The following RABGAP1L variants were observed in gnomAD, a reference collection of about 807,000 sequenced individuals.
RABGAP1L encodes RAB GTPase activating protein 1 like.
In RABGAP1L, 63 loss-of-function variants were observed where a neutral mutation model predicts 137.7. The observed-to-expected ratio is 0.46, with a 90% CI of 0.37 to 0.56. The LOEUF is 0.56. Among genes scored for constraint, RABGAP1L ranks in the 20% least tolerant of loss-of-function variants. RABGAP1L has a pLI of 0.00. For synonymous variants in RABGAP1L, 431 were observed against 433.7 expected, an observed-to-expected ratio of 0.99 and a Z score of 0.08; for missense variants, 1,095 against 1,244.0, an observed-to-expected ratio of 0.88 and a Z score of 1.80.
intron 10 of RABGAP1L, among the ~76,000 whole-genome samples, chr1:174,297,512 G>GT (rs1247870639): frequency 1.3e-5 from 2 of 152,206 alleles, no homozygotes; most frequent in Non-Finnish European, 2.9e-5. Flanking sequence ...TACGGTTGGA[G>GT]TTTTTCTGGG....
intron 13 of RABGAP1L, among the ~76,000 whole-genome samples, chr1:174,484,802 G>T (rs991147057): frequency 6.6e-6 from 1 of 152,102 alleles, no homozygotes; most frequent in Non-Finnish European, 1.5e-5. Flanking sequence ...TTCCAGTTCT[G>T]TTCTTTTTGC....
intron 13 of RABGAP1L, among the ~76,000 whole-genome samples, chr1:174,452,219 A>G (rs1655526595): frequency 6.6e-6 from 1 of 152,180 alleles, no homozygotes; most frequent in African/African-American, 2.4e-5. Context: ...AAAGACAGCC[A>G]AAAAACAATG....
chr1:174,479,582 A>T, intron 13 of RABGAP1L, among the ~76,000 whole-genome samples: 1 of 152,242 alleles, frequency 6.6e-6, no homozygotes. Context: ...GCAAGGATAC[A>T]GTGAAAAGCC....
intron 18 of RABGAP1L, among the ~76,000 whole-genome samples, chr1:174,783,383 T>C (rs921369197): frequency 6.6e-6 from 1 of 152,102 alleles, no homozygotes; most frequent in Non-Finnish European, 1.5e-5. Context: ...ACAAAAGGCT[T>C]CCTACCATGT....
At chr1:174,900,417 A>G (rs1302271799) in intron 19 of RABGAP1L, among the ~76,000 whole-genome samples, 1 of 152,200 alleles carries the variant, frequency 6.6e-6, no homozygotes, top group Non-Finnish European at 1.5e-5. Flanking sequence ...ACTGCGCCCT[A>G]TTTTAAATGG....
At chr1:174,849,089 CGCACGGT>C (rs1558146476) in intron 19 of RABGAP1L, among the ~76,000 whole-genome samples, 1 of 152,210 alleles carries the variant, frequency 6.6e-6, no homozygotes, top group Non-Finnish European at 1.5e-5. Context: ...CTTCGGCTCG[CGCACGGT>C]GCGTGCACCC....
intron 7 of RABGAP1L, among the ~76,000 whole-genome samples, chr1:174,253,103 C>T (rs1318290177): frequency 6.6e-6 from 1 of 151,944 alleles, no homozygotes; most frequent in African/African-American, 2.4e-5. Flanking sequence ...ATGTAGATGA[C>T]AGGAAAAGGT....
intron 7 of RABGAP1L, among the ~76,000 whole-genome samples, chr1:174,259,179 T>C (rs1363705657): frequency 6.6e-6 from 1 of 152,148 alleles, no homozygotes; most frequent in Non-Finnish European, 1.5e-5. Context: ...TATCTAGATA[T>C]TTTGCAAATT....
intron 19 of RABGAP1L, among the ~76,000 whole-genome samples, chr1:174,855,152 T>C (rs1649088436): frequency 6.6e-6 from 1 of 152,132 alleles, no homozygotes; most frequent in African/African-American, 2.4e-5. Context: ...AGGAACCTGA[T>C]TTTATATTAA....
chr1:174,412,964 A>G (rs1241114269), intron 13 of RABGAP1L, among the ~76,000 whole-genome samples: 1 of 152,044 alleles, frequency 6.6e-6, no homozygotes, highest in African/African-American at 2.4e-5. Flanking sequence ...TTTGTGTAGT[A>G]TCTCACAGAT....
At chr1:174,466,876 T>G (rs761707214) in intron 13 of RABGAP1L, among the ~76,000 whole-genome samples, 2 of 152,200 alleles carry the variant, frequency 1.3e-5, no homozygotes, top group Non-Finnish European at 2.9e-5. Context: ...TTGTTACCTG[T>G]GTAATACTGG....
intron 17 of RABGAP1L, among the ~76,000 whole-genome samples, chr1:174,709,771 C>G (rs1397000167): frequency 1.3e-5 from 2 of 152,250 alleles, no homozygotes; most frequent in East Asian, 1.9e-4. Flanking sequence ...TGCCTCTTCT[C>G]CAAAGGATCA....
chr1:174,856,327 G>C (rs1350995705), intron 19 of RABGAP1L, among the ~76,000 whole-genome samples: 1 of 151,382 alleles, frequency 6.6e-6, no homozygotes, highest in Admixed American at 6.6e-5. Flanking sequence ...CACAGGAGGC[G>C]GAAGTTGCAG....
Position 174,449,339 on chromosome 1 carries a change from T to C in RABGAP1L, c.1710+55194T>C. On this transcript the variant is annotated intron_variant, in intron 13 of 25. Coordinates refer to ENST00000681986, the MANE Select transcript of RABGAP1L (RefSeq NM_001366446.1). ...AGTATGAGACTAAAGGTTTCTCTCT[T>C]TTTTTTTCTTTTTCATGGAAGAAAC... The C allele has an allele frequency of 1.3e-5, 9 of 696,104 alleles. No homozygotes were observed. The South Asian group carries it at 1.5e-4, about 12-fold the overall frequency. 43.1% of individuals were successfully genotyped at this position (696,104 alleles called of 1,614,324 possible). A position where few individuals can be genotyped will look rare whatever the true frequency, so the allele number is the denominator to read the frequency against.
intron 13 of RABGAP1L, among the ~76,000 whole-genome samples, chr1:174,530,288 C>T (rs773777710): frequency 1.3e-5 from 2 of 152,090 alleles, no homozygotes; most frequent in Non-Finnish European, 2.9e-5. Context: ...AGGCAGCTGC[C>T]ATGCTTCTCT....
intron 11 of RABGAP1L, among the ~76,000 whole-genome samples, chr1:174,318,638 C>CTT (rs1304511020): frequency 4.6e-4 from 41 of 88,650 alleles, no homozygotes; most frequent in African/African-American, 1.5e-3. Flanking sequence ...CTTTCTTTTT[C>CTT]TTTCTTTTTT....
intron 13 of RABGAP1L, among the ~76,000 whole-genome samples, chr1:174,618,698 A>G (rs1409443645): frequency 6.6e-6 from 1 of 152,244 alleles, no homozygotes; most frequent in Non-Finnish European, 1.5e-5. Flanking sequence ...GGGAAAAAAC[A>G]GAGCAGAAAA....
intron 13 of RABGAP1L, among the ~76,000 whole-genome samples, chr1:174,625,611 T>C (rs1012984437): frequency 6.6e-5 from 10 of 152,174 alleles, no homozygotes; most frequent in Admixed American, 1.3e-4. Flanking sequence ...CAGTCACTTT[T>C]TGTATTATTC....
intron 18 of RABGAP1L, among the ~76,000 whole-genome samples, chr1:174,792,521 G>A (rs184923859): frequency 9.2e-4 from 140 of 152,318 alleles, no homozygotes; most frequent in Non-Finnish European, 1.8e-3. Context: ...CTTATAGGAA[G>A]TGCTCTAACC....
Sources: allele counts gnomAD v4.1 joint callset (sites outside exome capture counted in the v4.1 genomes callset), GRCh38; gene constraint gnomAD v4.1.1; transcripts MANE v1.5; gene names NCBI Gene and HGNC (gene_info 2026-07-23, HGNC 2026-07-21).